The following PLEKHA7 variants were observed in gnomAD, a reference collection of about 807,000 sequenced individuals.
PLEKHA7 encodes the protein pleckstrin homology domain-containing family A member 7.
A neutral mutation model predicts 170.0 loss-of-function variants in PLEKHA7; 104 were observed. The ratio of observed to expected loss-of-function variants is 0.61; its 90% CI spans 0.52 to 0.72. The LOEUF is 0.72. Among genes scored for constraint, PLEKHA7 ranks in the 30% least tolerant of loss-of-function variants. The probability of loss-of-function intolerance (pLI) is 0.00; values close to 1 mark genes in which losing one functional copy is unlikely to be tolerated. For missense variants in PLEKHA7, 1,615 were observed against 1,671.7 expected, an observed-to-expected ratio of 0.97 and a Z score of 0.59; for synonymous variants, 648 against 660.8, an observed-to-expected ratio of 0.98 and a Z score of 0.30.
At chr11:16,982,780 T>TACACACACACACACACACAC (rs35725815) in intron 3 of PLEKHA7, among the ~76,000 whole-genome samples, 118 of 144,112 alleles carry the variant, frequency 8.2e-4, no homozygotes, top group African/African-American at 9.9e-4. Context: ...CACTATCCCC[T>TACACACACACACACACACAC]ACACACACAC....
At chr11:16,885,954 G>A (rs538315126) in intron 3 of PLEKHA7, among the ~76,000 whole-genome samples, 12 of 150,708 alleles carry the variant, frequency 8.0e-5, no homozygotes, top group Admixed American at 2.0e-4. Flanking sequence ...CTGAGATCGC[G>A]CCACTGCACC....
chr11:16,886,883 TAATC>T (rs1378882231), intron 3 of PLEKHA7, among the ~76,000 whole-genome samples: 1 of 152,144 alleles, frequency 6.6e-6, no homozygotes, highest in Non-Finnish European at 1.5e-5. Context: ...GAAAGGCAAG[TAATC>T]AATAAGAGGG....
chr11:17,002,290 G>C (rs1161272918), intron 3 of PLEKHA7, among the ~76,000 whole-genome samples: 1 of 152,182 alleles, frequency 6.6e-6, no homozygotes, highest in Non-Finnish European at 1.5e-5. Context: ...TGTAGTCGCA[G>C]CTACTCAGGA....
chr11:16,802,593 G>C (rs1371386113), intron 15 of PLEKHA7, among the ~76,000 whole-genome samples: 1 of 152,018 alleles, frequency 6.6e-6, no homozygotes. Context: ...TGTTGCCTAG[G>C]CTGGAATACA....
chr11:16,825,770 A>G (rs440212), intron 10 of PLEKHA7, among the ~76,000 whole-genome samples: 24,514 of 152,252 alleles, frequency 0.16, 2,390 homozygotes, highest in African/African-American at 0.27. Flanking sequence ...CACAAAAGGA[A>G]AAGATCGATT....
intron 8 of PLEKHA7, among the ~76,000 whole-genome samples, chr11:16,843,771 T>C (rs1852161501): frequency 6.6e-6 from 1 of 152,040 alleles, no homozygotes; most frequent in East Asian, 1.9e-4. Flanking sequence ...ACCCCATCTC[T>C]ACTAAAAATA....
At chr11:16,786,182 T>C (rs1243202859) in intron 24 of PLEKHA7, 47 bp downstream of exon 24, 1 of 1,528,954 alleles carries the variant, frequency 6.5e-7, no homozygotes, top group Admixed American at 2.0e-5. Context: ...GCTGGGAACT[T>C]GAAGGCCATG....
intron 4 of PLEKHA7, among the ~76,000 whole-genome samples, chr11:16,868,766 G>A (rs1173608135): frequency 6.6e-6 from 1 of 152,206 alleles, no homozygotes; most frequent in Non-Finnish European, 1.5e-5. Context: ...TAAAAAGGAG[G>A]TGCATCTTCT....
At chr11:16,982,900 A>G (rs890658436) in intron 3 of PLEKHA7, among the ~76,000 whole-genome samples, 20 of 152,014 alleles carry the variant, frequency 1.3e-4, no homozygotes, top group Non-Finnish European at 2.9e-5. Flanking sequence ...CCTGGACTCC[A>G]CACACTATTT....
At chr11:16,804,351 G>A (rs902708974) in intron 13 of PLEKHA7, among the ~76,000 whole-genome samples, 1 of 152,228 alleles carries the variant, frequency 6.6e-6, no homozygotes, top group East Asian at 1.9e-4. Flanking sequence ...AGCTGCTGGA[G>A]AGAGAGGTGT....
At chr11:16,972,801 T>A (rs574265994) in intron 3 of PLEKHA7, among the ~76,000 whole-genome samples, 1 of 152,246 alleles carries the variant, frequency 6.6e-6, no homozygotes, top group African/African-American at 2.4e-5. Context: ...ACCAATACAA[T>A]TACACACGTG....
intron 3 of PLEKHA7, among the ~76,000 whole-genome samples, chr11:16,920,672 T>C (rs1565116880): frequency 6.6e-6 from 1 of 152,332 alleles, no homozygotes; most frequent in Non-Finnish European, 1.5e-5. Context: ...TGCCATTACA[T>C]ATCTGACTAC....
In PLEKHA7 at chr11:16,783,796, T is replaced by C; in HGVS notation, c.3554A>G (p.Tyr1185Cys). ...TGGCTCTTCGGGATCTAGCTCCACG[T>C]AGCGCTCAGGGATTGACACCTTCTC... ...KPEKVSIPER[Y>C]VELDPEEPPS... Residue 1185 changes from tyrosine (Y) to cysteine (C), a missense_variant, in exon 25 of 27, where the codon TAC (tyrosine) becomes TGC (cysteine). Physicochemically the swap from Tyr to Cys is radical, Grantham distance 194 (BLOSUM62 -2). Coordinates refer to ENST00000531066, the MANE Select transcript of PLEKHA7 (RefSeq NM_001329630.2). The C allele has an allele frequency of 6.6e-7, 1 of 1,512,630 alleles. No individual in the cohort carries two copies. The highest frequency in any genetic ancestry group is 2.6e-5 in the East Asian group (1 of 38,518). 93.7% of individuals were successfully genotyped at this position (1,512,630 alleles called of 1,614,324 possible). A position where few individuals can be genotyped will look rare whatever the true frequency, so the allele number is the denominator to read the frequency against.
chr11:17,013,883 G>T, intron 3 of PLEKHA7, 106 bp downstream of exon 3: 1 of 1,266,692 alleles, frequency 7.9e-7, no homozygotes, highest in Non-Finnish European at 1.0e-6. Context: ...GCGCGCCAAC[G>T]AGCCCGGGCC....
chr11:16,857,918 C>A (rs1311836591), intron 4 of PLEKHA7, among the ~76,000 whole-genome samples: 1 of 152,168 alleles, frequency 6.6e-6, no homozygotes, highest in African/African-American at 2.4e-5. Context: ...AGGGTTTCAC[C>A]ATGTTGGCCA....
intron 13 of PLEKHA7, among the ~76,000 whole-genome samples, chr11:16,804,580 G>GC (rs1848816745): frequency 6.6e-6 from 1 of 152,204 alleles, no homozygotes; most frequent in African/African-American, 2.4e-5. Context: ...CTACACACAT[G>GC]CCCCACCCAT....
At chr11:16,801,100 G>GT in intron 16 of PLEKHA7, 25 bp from the exon 17 acceptor site, 1 of 1,598,388 alleles carries the variant, frequency 6.3e-7, no homozygotes, top group Non-Finnish European at 8.6e-7. Context: ...AATGCTTCCG[G>GT]TTCTTAGTTA....
intron 3 of PLEKHA7, among the ~76,000 whole-genome samples, chr11:16,928,271 C>T (rs1166143681): frequency 6.6e-6 from 1 of 152,102 alleles, no homozygotes; most frequent in East Asian, 1.9e-4. Context: ...GATTGCACCA[C>T]TGCACTCCAG....
chr11:16,900,556 C>T lies in PLEKHA7; in HGVS notation c.222-29374G>A, dbSNP rs773160102. ...TTGCATTTATTCAACTTGACATAAGCACTCATCACTGCCTTCCAGATCTTT... is the reference window on the plus strand; with the variant it reads ...TTGCATTTATTCAACTTGACATAAGTACTCATCACTGCCTTCCAGATCTTT... On this transcript the variant is annotated intron_variant, in intron 3 of 26. Transcript: ENST00000531066. Among the ~76,000 whole-genome samples, 100 of 152,182 alleles carry T rather than the reference C, an allele frequency of 6.6e-4. 1 individual carries two copies. The highest frequency in any genetic ancestry group is 3.4e-4 in the Non-Finnish European group (23 of 68,032).
Sources: allele counts gnomAD v4.1 joint callset (sites outside exome capture counted in the v4.1 genomes callset), GRCh38; gene constraint gnomAD v4.1.1; transcripts MANE v1.5; gene names NCBI Gene and HGNC (gene_info 2026-07-23, HGNC 2026-07-21).